CDH13: variants seen among roughly 807,000 people sequenced by gnomAD.
The protein encoded by CDH13 is cadherin-13.
CDH13 carries 24 observed loss-of-function variants against 63.8 expected under a neutral mutation model. That is an observed-to-expected ratio of 0.38 (90% CI 0.27 to 0.53). The LOEUF is 0.53. Ranked by LOEUF, CDH13 falls within the 20% of genes least tolerant of loss-of-function variation. The pLI, the probability that CDH13 is intolerant of heterozygous loss-of-function variation, is 0.85. For missense variants in CDH13, 1,049 were observed against 903.1 expected (o/e 1.16, Z -2.07); for synonymous variants, 503 against 355.3 (o/e 1.42, Z -4.67).
chr16:83,505,187 C>A (rs1400572576), intron 7 of CDH13, among the ~76,000 whole-genome samples: 1 of 152,204 alleles, frequency 6.6e-6, no homozygotes, highest in Non-Finnish European at 1.5e-5. Context: ...AATCTAGCCT[C>A]CAGATCCCCA....
rs796613754 is a variant in CDH13 at position 83,006,899 on chromosome 16, A to AT, written c.158-25103dup. 1.7e-4 allele frequency among the ~76,000 whole-genome samples: 21 copies of AT among 120,836 alleles called. 2 individuals carry two copies. The highest frequency in any genetic ancestry group is 4.2e-3 in the Middle Eastern group (1 of 236). The allele number at this position is 120,836 out of a possible 152,430, so 79.3% of individuals were successfully genotyped here. On this transcript the variant is annotated intron_variant, in intron 2 of 13. Coordinates refer to ENST00000567109, the MANE Select transcript of CDH13 (RefSeq NM_001257.5). ...TTTTTCTTCAAAACACCCAGTTTTG[A>AT]TTTTTTTTGTTTGTTTGTTTGTTTG...
chr16:83,067,230 C>A (rs930504637), intron 3 of CDH13, among the ~76,000 whole-genome samples: 5 of 152,156 alleles, frequency 3.3e-5, no homozygotes, highest in African/African-American at 1.2e-4. Context: ...CTGACTGTAT[C>A]TCTGAGTAAT....
rs746660440 is a variant in CDH13 at position 83,318,640 on chromosome 16, A to C, written c.637-26222A>C. Among the ~76,000 whole-genome samples, 45 of 152,166 alleles carry C rather than the reference A, an allele frequency of 3.0e-4. 1 individual carries two copies. The highest frequency in any genetic ancestry group is 1.5e-4 in the Non-Finnish European group (10 of 68,036). Reference sequence around the variant, plus strand: ...TTAGTGGCAGTTCGTGGCTTTAATGAGTCTGTTACACAGTGCACCTTCCTC... The same window carrying C: ...TTAGTGGCAGTTCGTGGCTTTAATGCGTCTGTTACACAGTGCACCTTCCTC... On this transcript the variant is annotated intron_variant, in intron 5 of 13. Transcript: ENST00000567109.
chr16:82,676,489 T>A (rs757776945), intron 1 of CDH13, among the ~76,000 whole-genome samples: 1 of 139,562 alleles, frequency 7.2e-6, no homozygotes, highest in Non-Finnish European at 1.6e-5. Context: ...ATCATTTCTT[T>A]TTTTTTTTTT....
chr16:83,564,548 A>G (rs1348233266), intron 7 of CDH13, among the ~76,000 whole-genome samples: 1 of 152,002 alleles, frequency 6.6e-6, no homozygotes, highest in Non-Finnish European at 1.5e-5. Flanking sequence ...AGCTGGTATT[A>G]CAGGCATCTG....
intron 6 of CDH13, among the ~76,000 whole-genome samples, chr16:83,427,492 A>T (rs1225434995): frequency 6.6e-6 from 1 of 152,134 alleles, no homozygotes; most frequent in African/African-American, 2.4e-5. Flanking sequence ...AGCCCCACTA[A>T]CACCTTGACC....
At chr16:83,180,648 T>C (rs915928316) in intron 4 of CDH13, among the ~76,000 whole-genome samples, 2 of 152,216 alleles carry the variant, frequency 1.3e-5, no homozygotes, top group Admixed American at 1.3e-4. Context: ...GCAGTCCATA[T>C]TATCTTGGAA....
intron 5 of CDH13, among the ~76,000 whole-genome samples, chr16:83,246,729 T>G (rs756801821): frequency 6.6e-6 from 1 of 152,220 alleles, no homozygotes; most frequent in Non-Finnish European, 1.5e-5. Context: ...CCGGTGTTGC[T>G]GCCAGAAGCT....
At chr16:83,056,798 A>T (rs371914363) in intron 3 of CDH13, among the ~76,000 whole-genome samples, 1 of 151,712 alleles carries the variant, frequency 6.6e-6, no homozygotes, top group African/African-American at 2.4e-5. Flanking sequence ...GATAGTGAAT[A>T]AGTCTCACGA....
Position 82,858,426 on chromosome 16 carries a change from AT to A in CDH13, c.111del (p.His37GlnfsTer15). On this transcript the variant is annotated frameshift_variant, in exon 2 of 14. Transcript: ENST00000567109. LOFTEE classifies it high-confidence loss of function. ...CCTGGATTTCAGCAGAAAGTGTTCC[AT>A]ATCAATCAGCCAGCTGAATTCATTG... ...CTPGFQQKVF[H>X]INQPAEFIED... The A allele has an allele frequency of 6.2e-7, 1 of 1,613,846 alleles. No homozygotes were observed. The highest frequency in any genetic ancestry group is 8.5e-7 in the Non-Finnish European group (1 of 1,179,698).
intron 2 of CDH13, among the ~76,000 whole-genome samples, chr16:82,862,808 G>C (rs2039994701): frequency 6.6e-6 from 1 of 152,164 alleles, no homozygotes; most frequent in African/African-American, 2.4e-5. Flanking sequence ...GATGCAGTCG[G>C]GCTGCTCTCC....
At chr16:83,191,786 T>C (rs1185898643) in intron 4 of CDH13, among the ~76,000 whole-genome samples, 1 of 151,802 alleles carries the variant, frequency 6.6e-6, no homozygotes, top group Non-Finnish European at 1.5e-5. Context: ...CTGCCTGCTT[T>C]ATATTCTAGC....
In CDH13 at chr16:83,463,022, C is replaced by T. The variant is rs188230636; in HGVS notation, c.782-23455C>T. ...TAAACCCAGTGTGCCAAGCTCTAGG[C>T]AGAGGATAAAACCACGAAGACAAGC... is the stretch of plus-strand genomic sequence containing the variant. On this transcript the variant is annotated intron_variant, in intron 6 of 13. Coordinates refer to ENST00000567109, the MANE Select transcript of CDH13 (RefSeq NM_001257.5). 1.8e-4 allele frequency among the ~76,000 whole-genome samples: 27 copies of T among 152,128 alleles called. 1 individual carries two copies. Among genetic ancestry groups the T allele is most frequent in the East Asian group, 9.7e-4 (5 of 5,150 alleles).
At chr16:83,621,793 C>T (rs1403058913) in intron 8 of CDH13, among the ~76,000 whole-genome samples, 1 of 152,074 alleles carries the variant, frequency 6.6e-6, no homozygotes, top group Non-Finnish European at 1.5e-5. Context: ...AGCCACCTCA[C>T]CTGCCTTTCT....
chr16:82,953,468 C>G (rs2151326846), intron 2 of CDH13: 1 of 152,282 alleles, frequency 6.6e-6, no homozygotes, highest in East Asian at 1.9e-4. Flanking sequence ...TATAATCTTA[C>G]TTTTACAAAT....
chr16:82,664,534 C>T (rs1912360560), intron 1 of CDH13, among the ~76,000 whole-genome samples: 1 of 152,194 alleles, frequency 6.6e-6, no homozygotes, highest in African/African-American at 2.4e-5. Context: ...ACCAGTGTGC[C>T]TTTGAAGCAT....
chr16:82,702,782 C>T (rs982398108), intron 1 of CDH13, among the ~76,000 whole-genome samples: 3 of 152,154 alleles, frequency 2.0e-5, no homozygotes, highest in African/African-American at 7.2e-5. Flanking sequence ...ATGATTTCCT[C>T]TGCCTGGAAC....
intron 2 of CDH13, among the ~76,000 whole-genome samples, chr16:82,978,636 A>T (rs1444356706): frequency 6.6e-6 from 1 of 152,250 alleles, no homozygotes; most frequent in Admixed American, 6.5e-5. Context: ...CTGCAGGTAC[A>T]CAGAAGTCAG....
intron 7 of CDH13, among the ~76,000 whole-genome samples, chr16:83,494,410 A>G (rs965887211): frequency 7.9e-5 from 12 of 152,180 alleles, no homozygotes; most frequent in Non-Finnish European, 1.5e-4. Context: ...ATTGTTCTAA[A>G]CCCCAAATCC....
Sources: gnomAD v4.1 joint callset for allele counts (sites outside exome capture counted in the v4.1 genomes callset) on GRCh38, gnomAD v4.1.1 for gene constraint, MANE v1.5 for transcripts, NCBI Gene and HGNC (gene_info 2026-07-23, HGNC 2026-07-21) for gene names.